The following NBAS variants were observed in gnomAD, a reference collection of about 807,000 sequenced individuals.
NBAS encodes the protein NAG/BC035112 fusion.
Under a neutral mutation model 302.5 loss-of-function variants are expected in NBAS, and 219 were observed. The observed-to-expected ratio is 0.72, with a 90% CI of 0.65 to 0.81. The LOEUF (loss-of-function observed/expected upper bound fraction) is 0.81. Ranked by LOEUF, NBAS falls within the 30% of genes least tolerant of loss-of-function variation. The pLI, the probability that NBAS is intolerant of heterozygous loss-of-function variation, is 0.00. For missense variants in NBAS, 2,932 were observed against 2,841.6 expected (o/e 1.03, Z -0.72); for synonymous variants, 1,118 against 1,021.6 (o/e 1.09, Z -1.80).
the NBAS span, among the ~76,000 whole-genome samples, chr2:14,985,445 G>C: frequency 6.6e-6 from 1 of 152,250 alleles, no homozygotes; most frequent in Non-Finnish European, 1.5e-5. Context: ...GCGAACAGCA[G>C]AGACGATAGG....
At chr2:15,022,804 C>T in the NBAS span, among the ~76,000 whole-genome samples, 2 of 152,134 alleles carry the variant, frequency 1.3e-5, no homozygotes, top group East Asian at 1.9e-4. Context: ...CCAATCTTCT[C>T]ATATTGTCTA....
the NBAS span, among the ~76,000 whole-genome samples, chr2:14,951,863 C>T: frequency 8.5e-5 from 13 of 152,208 alleles, no homozygotes; most frequent in African/African-American, 2.4e-4. Context: ...CTCTTGAGTC[C>T]GTATTGTCTG....
chr2:15,539,639 C>T (rs1046720203), intron 6 of NBAS, among the ~76,000 whole-genome samples: 3 of 152,036 alleles, frequency 2.0e-5, no homozygotes, highest in African/African-American at 7.3e-5. Context: ...CTGGTAAAGG[C>T]CCAGGAATAA....
At position 15,353,654 on chromosome 2, in the gene NBAS, C is replaced by A; in HGVS notation, c.3988G>T (p.Asp1330Tyr). 1 of 1,614,086 alleles carries A rather than the reference C, an allele frequency of 6.2e-7. No homozygotes were observed. Among genetic ancestry groups the A allele is most frequent in the Non-Finnish European group, 8.5e-7 (1 of 1,179,980 alleles). Residue 1330 changes from aspartate to tyrosine, a missense_variant, in exon 34 of 52, where the codon GAC becomes TAC. Asp to Tyr is a radical substitution (Grantham distance 160). Transcript: ENST00000281513. ...ATGAGCTCTTGACGAGTGGCCAAGT[C>A]CTGGTAACCTTCTGATTGTCCTAAC... ...SQLGQSEGYQ[D>Y]LATRQELMAF... is the part of the protein sequence containing the mutation.
At position 15,394,230 on chromosome 2, in the gene NBAS, C is replaced by T. The variant is rs139422819; in HGVS notation, c.3254G>A (p.Arg1085Gln). The T allele has an allele frequency of 6.2e-6, 10 of 1,603,606 alleles. No homozygotes were observed. In the East Asian group the frequency reaches 9.0e-5, roughly 14 times the overall value. The change falls in exon 28 of 52, where the codon CGG (arginine) becomes CAG (glutamine). Residue 1085 changes from arginine to glutamine, a missense_variant. By Grantham distance (43) the Arg-to-Gln change is conservative (BLOSUM62 1). Transcript: ENST00000281513. ...ATCAATTAATTTTATTACTCACTTC[C>T]GGCCAGTGTGCCTCGTCAATCTAAC... ...LMVRLTRHTG[R>Q]KQPPVSESHW... is the part of the protein sequence containing the mutation.
chr2:15,019,489 A>G, the NBAS span, among the ~76,000 whole-genome samples: 2 of 152,276 alleles, frequency 1.3e-5, no homozygotes, highest in East Asian at 1.9e-4. Context: ...GACAGAAAGA[A>G]AGAGAATCAG....
intron 9 of NBAS, among the ~76,000 whole-genome samples, chr2:15,528,905 A>ATATATATATATATGTG (rs1558414924): frequency 2.8e-5 from 4 of 145,444 alleles, no homozygotes; most frequent in Admixed American, 1.4e-4. Flanking sequence ...ATATGTGTGT[A>ATATATATATATATGTG]TATATATATA....
chr2:15,324,513 A>T (rs1032972525), intron 38 of NBAS, among the ~76,000 whole-genome samples: 1 of 152,050 alleles, frequency 6.6e-6, no homozygotes. Context: ...TCCAAGTCCA[A>T]GTCAAATATC....
chr2:15,388,817 CTAA>C (rs1675440397), intron 28 of NBAS, among the ~76,000 whole-genome samples: 1 of 151,994 alleles, frequency 6.6e-6, no homozygotes, highest in South Asian at 2.1e-4. Flanking sequence ...AATGAACAAA[CTAA>C]TGTTATACCA....
chr2:15,542,665 A>T (rs1390394482), intron 6 of NBAS, among the ~76,000 whole-genome samples: 2 of 152,116 alleles, frequency 1.3e-5, no homozygotes, highest in Non-Finnish European at 2.9e-5. Flanking sequence ...AAATAAAAAA[A>T]AAATCAAACT....
the NBAS span, among the ~76,000 whole-genome samples, chr2:15,020,849 C>A: frequency 6.6e-6 from 1 of 152,134 alleles, no homozygotes; most frequent in Admixed American, 6.5e-5. Flanking sequence ...AACTATGGAA[C>A]TCTGAAGGAG....
At chr2:15,324,239 A>C (rs1671961231) in intron 38 of NBAS, among the ~76,000 whole-genome samples, 1 of 152,160 alleles carries the variant, frequency 6.6e-6, no homozygotes, top group African/African-American at 2.4e-5. Context: ...AAATCCCTAC[A>C]GCTTTTGATA....
chr2:15,235,780 T>C (rs998753843), intron 45 of NBAS, among the ~76,000 whole-genome samples: 1 of 152,178 alleles, frequency 6.6e-6, no homozygotes, highest in African/African-American at 2.4e-5. Context: ...TGACAGTTGT[T>C]GAAGCTGGGA....
chr2:15,541,972 A>C lies in NBAS; in HGVS notation c.380-2616T>G, dbSNP rs796291076. Among the ~76,000 whole-genome samples, 61 of 26,618 alleles carry C rather than the reference A, an allele frequency of 2.3e-3. 13 individuals are homozygous for C. The highest frequency in any genetic ancestry group is 3.7e-3 in the African/African-American group (27 of 7,252). 17.5% of individuals were successfully genotyped at this position (26,618 alleles called of 152,430 possible). ...GGGAGGTGGGGGGGTCAGCCCCCCGACCGGCCAGCCACCCCGTCCGGGAGG... is the reference window on the plus strand; with the variant it reads ...GGGAGGTGGGGGGGTCAGCCCCCCGCCCGGCCAGCCACCCCGTCCGGGAGG... On this transcript the variant is annotated intron_variant, in intron 6 of 51. Transcript: ENST00000281513.
intron 41 of NBAS, among the ~76,000 whole-genome samples, chr2:15,291,090 G>A (rs1354492744): frequency 2.0e-5 from 3 of 152,286 alleles, no homozygotes; most frequent in African/African-American, 7.2e-5. Context: ...TTAAATGTAC[G>A]CACCATTTTA....
At chr2:15,119,864 C>T in the NBAS span, among the ~76,000 whole-genome samples, 1 of 152,174 alleles carries the variant, frequency 6.6e-6, no homozygotes, top group African/African-American at 2.4e-5. Flanking sequence ...TTACACCACA[C>T]CTCTGCAAAG....
At chr2:14,821,117 G>A in the NBAS span, among the ~76,000 whole-genome samples, 7 of 151,952 alleles carry the variant, frequency 4.6e-5, no homozygotes, top group Admixed American at 3.9e-4. Context: ...TAGTAGAGAC[G>A]GGGTTTCACC....
chr2:15,329,310 C>A (rs1273821210), intron 36 of NBAS, among the ~76,000 whole-genome samples: 1 of 152,132 alleles, frequency 6.6e-6, no homozygotes, highest in Non-Finnish European at 1.5e-5. Flanking sequence ...ACTGTTTGGA[C>A]CATTGTTCTT....
chr2:14,941,721 G>C, the NBAS span, among the ~76,000 whole-genome samples: 1 of 152,200 alleles, frequency 6.6e-6, no homozygotes. Flanking sequence ...TGATTGTTGA[G>C]ATTTTCTGCT....
Sources: gnomAD v4.1 joint callset for allele counts (sites outside exome capture counted in the v4.1 genomes callset) on GRCh38, gnomAD v4.1.1 for gene constraint, MANE v1.5 for transcripts, NCBI Gene and HGNC (gene_info 2026-07-23, HGNC 2026-07-21) for gene names.